The following NR2F1-AS1 variants were observed in gnomAD, a reference collection of about 807,000 sequenced individuals.
NR2F1-AS1 encodes NR2F1 antisense RNA 1.
chr5:93,443,503 A>T (rs1338243811), intron 4 of NR2F1-AS1, among the ~76,000 whole-genome samples: 1 of 152,174 alleles, frequency 6.6e-6, no homozygotes, highest in Non-Finnish European at 1.5e-5. Flanking sequence ...TAGAGAAAAA[A>T]AGAGTAAAAA....
intron 4 of NR2F1-AS1, among the ~76,000 whole-genome samples, chr5:93,524,241 A>T (rs566881169): frequency 1.3e-5 from 2 of 152,028 alleles, no homozygotes; most frequent in South Asian, 4.2e-4. Flanking sequence ...TCAATCAAGC[A>T]GAAGAAAGAA....
At chr5:93,470,038 C>T (rs1264466713) in intron 4 of NR2F1-AS1, among the ~76,000 whole-genome samples, 6 of 152,004 alleles carry the variant, frequency 3.9e-5, no homozygotes, top group African/African-American at 7.2e-5. Flanking sequence ...CTTCCAAAAG[C>T]ATTCATATTC....
intron 4 of NR2F1-AS1, among the ~76,000 whole-genome samples, chr5:93,500,565 G>A (rs961999683): frequency 6.6e-6 from 1 of 152,146 alleles, no homozygotes; most frequent in African/African-American, 2.4e-5. Flanking sequence ...GATTCACATT[G>A]TTTTCTTGAC....
chr5:93,458,928 C>T (rs1293894204), intron 4 of NR2F1-AS1, among the ~76,000 whole-genome samples: 2 of 151,962 alleles, frequency 1.3e-5, no homozygotes, highest in Non-Finnish European at 2.9e-5. Flanking sequence ...AAGAGAATCG[C>T]TTGAACACAG....
intron 1 of NR2F1-AS1, among the ~76,000 whole-genome samples, chr5:93,564,074 C>A (rs971209824): frequency 4.3e-5 from 5 of 117,526 alleles, no homozygotes; most frequent in African/African-American, 1.6e-4. Flanking sequence ...TGTACTCCAG[C>A]CTGGGTGACA....
chr5:93,572,899 G>A (rs1752807538), intron 1 of NR2F1-AS1, among the ~76,000 whole-genome samples: 2 of 152,220 alleles, frequency 1.3e-5, no homozygotes, highest in African/African-American at 2.4e-5. Flanking sequence ...CGCGGCCGGC[G>A]GGGCCGGATC....
chr5:93,554,226 C>A (rs1036598037), intron 3 of NR2F1-AS1, among the ~76,000 whole-genome samples: 1 of 152,084 alleles, frequency 6.6e-6, no homozygotes, highest in Non-Finnish European at 1.5e-5. Flanking sequence ...TCCCTCATCA[C>A]CAGTAGCAAT....
intron 4 of NR2F1-AS1, among the ~76,000 whole-genome samples, chr5:93,415,156 A>G (rs1183979438): frequency 6.6e-6 from 1 of 152,210 alleles, no homozygotes; most frequent in Non-Finnish European, 1.5e-5. Context: ...CAACAAGAAT[A>G]TAGGTTAGGT....
chr5:93,577,806 TCTCCAGATGGG>T (rs1752929824), intron 1 of NR2F1-AS1, among the ~76,000 whole-genome samples: 1 of 152,132 alleles, frequency 6.6e-6, no homozygotes, highest in Admixed American at 6.5e-5. Flanking sequence ...CATGTTCATC[TCTCCAGATGGG>T]CTCGATAAAA....
At chr5:93,543,013 T>C (rs949799929) in intron 4 of NR2F1-AS1, 9 of 152,386 alleles carry the variant, frequency 5.9e-5, no homozygotes, top group Admixed American at 4.6e-4. Context: ...CTAAAAATCT[T>C]TGGCCACAGC....
At chr5:93,507,677 A>G (rs1249686270) in intron 4 of NR2F1-AS1, among the ~76,000 whole-genome samples, 6 of 152,184 alleles carry the variant, frequency 3.9e-5, no homozygotes, top group Non-Finnish European at 8.8e-5. Context: ...TTTTAAAAGT[A>G]TAAGAATTGA....
intron 3 of NR2F1-AS1, chr5:93,553,982 A>G (rs1303293335): frequency 6.6e-6 from 1 of 152,236 alleles, no homozygotes; most frequent in Non-Finnish European, 1.5e-5. Context: ...TTAAAAAGTC[A>G]CAGAAATGTA....
chr5:93,478,456 T>G (rs1450648361), intron 4 of NR2F1-AS1, among the ~76,000 whole-genome samples: 1 of 152,186 alleles, frequency 6.6e-6, no homozygotes, highest in Non-Finnish European at 1.5e-5. Flanking sequence ...CAGGCTGGAG[T>G]ACGGTGGCAC....
chr5:93,504,516 A>G (rs568922216), intron 4 of NR2F1-AS1, among the ~76,000 whole-genome samples: 2 of 152,306 alleles, frequency 1.3e-5, no homozygotes, highest in Admixed American at 1.3e-4. Flanking sequence ...AGACTAGGGT[A>G]TTAGTCCATT....
At chr5:93,486,895 C>T (rs1451487781) in intron 4 of NR2F1-AS1, among the ~76,000 whole-genome samples, 1 of 152,114 alleles carries the variant, frequency 6.6e-6, no homozygotes, top group Non-Finnish European at 1.5e-5. Flanking sequence ...AAAGCTTATC[C>T]ACCACAATAA....
chr5:93,562,195 A>AAAAAAAGAAAAGAAAAGAAAAG (rs755007063), intron 2 of NR2F1-AS1, among the ~76,000 whole-genome samples: 170 of 136,688 alleles, frequency 1.2e-3, no homozygotes, highest in South Asian at 7.0e-3. Flanking sequence ...AAAAAAAAAA[A>AAAAAAAGAAAAGAAAAGAAAAG]AAAAGAAAAG....
intron 4 of NR2F1-AS1, among the ~76,000 whole-genome samples, chr5:93,423,562 G>C (rs1161948098): frequency 2.6e-5 from 4 of 152,162 alleles, no homozygotes; most frequent in African/African-American, 4.8e-5. Flanking sequence ...TGGTGCCCAA[G>C]TAGGCACTCT....
chr5:93,421,011 T>G (rs569130794), intron 4 of NR2F1-AS1, among the ~76,000 whole-genome samples: 25 of 152,322 alleles, frequency 1.6e-4, no homozygotes, highest in African/African-American at 5.3e-4. Context: ...ATAACATCAG[T>G]TGATTTACAT....
In NR2F1-AS1 at chr5:93,429,450, A is replaced by G. The variant is rs562140211; in HGVS notation, n.639-33908T>C. Among the ~76,000 whole-genome samples the G allele has an allele frequency of 1.4e-4, 21 of 152,316 alleles. No individual in the cohort carries two copies. The East Asian group carries it at 3.9e-3, about 28-fold the overall frequency. On this transcript the variant is annotated intron_variant and non_coding_transcript_variant, in intron 4 of 5. Transcript: ENST00000660523. The stretch of plus-strand genomic sequence containing the variant: ...AGCATATATTATCAATTTCAATTCA[A>G]TCCATCCTGTGACAATCTGCAGCAA...
Sources: allele counts gnomAD v4.1 joint callset (sites outside exome capture counted in the v4.1 genomes callset), GRCh38; gene constraint gnomAD v4.1.1; transcripts MANE v1.5; gene names NCBI Gene and HGNC (gene_info 2026-07-23, HGNC 2026-07-21).